The following SENP2 variants were observed in gnomAD, a reference collection of about 807,000 sequenced individuals.
The protein encoded by SENP2 is sentrin-specific protease 2.
SENP2 carries 16 observed loss-of-function variants against 86.3 expected under a neutral mutation model. The observed-to-expected ratio is 0.19, with a 90% CI of 0.13 to 0.28. The LOEUF (loss-of-function observed/expected upper bound fraction) is 0.28. SENP2 is among the 10% of genes least tolerant of loss of function. The probability of loss-of-function intolerance (pLI) is 1.00; values close to 1 mark genes in which losing one functional copy is unlikely to be tolerated. For synonymous variants in SENP2, 222 were observed against 238.7 expected, an observed-to-expected ratio of 0.93 and a Z score of 0.64; for missense variants, 552 against 703.0, an observed-to-expected ratio of 0.79 and a Z score of 2.43.
intron 6 of SENP2, among the ~76,000 whole-genome samples, chr3:185,608,511 T>G (rs1171116319): frequency 6.6e-6 from 1 of 152,144 alleles, no homozygotes; most frequent in African/African-American, 2.4e-5. Context: ...TTGTTTAAAC[T>G]CCCTGTGAAA....
At chr3:185,588,143 C>T (rs1374367774) in intron 1 of SENP2, among the ~76,000 whole-genome samples, 16 of 146,648 alleles carry the variant, frequency 1.1e-4, no homozygotes, top group African/African-American at 3.8e-4. Flanking sequence ...CTGCAACCTC[C>T]GCCTTCCAGG....
At position 185,618,639 on chromosome 3, in the gene SENP2, A is replaced by G. The variant is rs565623372; in HGVS notation, c.1243-660A>G. 1.1e-4 allele frequency among the ~76,000 whole-genome samples: 17 copies of G among 152,242 alleles called. No individual in the cohort carries two copies. In the South Asian group the frequency reaches 2.1e-3, roughly 19 times the overall value. On this transcript the variant is annotated intron_variant, in intron 12 of 16. Coordinates refer to ENST00000296257, the MANE Select transcript of SENP2 (RefSeq NM_021627.3). ...CACGCCTGTAATCCCAGCACTTTGG[A>G]AGGCTGAGGCGGGCGGATCACGAGG...
chr3:185,616,474 C>CAAA (rs771658835), intron 11 of SENP2, among the ~76,000 whole-genome samples: 14 of 85,814 alleles, frequency 1.6e-4, no homozygotes, highest in African/African-American at 5.3e-4. Flanking sequence ...GAATCTGTCT[C>CAAA]AAAAAAAAAA....
intron 12 of SENP2, among the ~76,000 whole-genome samples, chr3:185,618,037 TG>T (rs1711689143): frequency 6.6e-6 from 1 of 152,176 alleles, no homozygotes; most frequent in African/African-American, 2.4e-5. Flanking sequence ...CTCCACCTCC[TG>T]GGTTCAAGCA....
chr3:185,621,331 TAA>T (rs11388775), intron 13 of SENP2, among the ~76,000 whole-genome samples: 2 of 122,554 alleles, frequency 1.6e-5, no homozygotes, highest in Non-Finnish European at 3.3e-5. Context: ...CATTTTTAAC[TAA>T]AAAAAAAAAA....
In SENP2 at chr3:185,632,330, G is replaced by A. The variant is rs984302115; in HGVS notation, c.*2486G>A. ...GCTCACTGCAACCTCCGCCTCCCAG[G>A]TTCAAGCGATTCTCCTGCCTCAGCC... On this transcript the variant is annotated 3_prime_UTR_variant, in exon 17 of 17. Transcript: ENST00000296257. 4 of 147,884 alleles carry A rather than the reference G, an allele frequency of 2.7e-5. No homozygotes were observed. Among genetic ancestry groups the A allele is most frequent in the Non-Finnish European group, 4.4e-5 (3 of 67,466 alleles). The allele number at this position is 147,884 out of a possible 1,614,324, so 9.2% of individuals were successfully genotyped here.
At chr3:185,615,667 G>A (rs1350284297) in intron 11 of SENP2, among the ~76,000 whole-genome samples, 2 of 152,068 alleles carry the variant, frequency 1.3e-5, no homozygotes, top group African/African-American at 4.8e-5. Flanking sequence ...TTTCTATTGG[G>A]TTTATAGATT....
chr3:185,627,831 T>C (rs1253385073), intron 16 of SENP2, among the ~76,000 whole-genome samples: 2 of 152,204 alleles, frequency 1.3e-5, no homozygotes, highest in Non-Finnish European at 2.9e-5. Flanking sequence ...GAGGACAACC[T>C]CATTAAAGAA....
In SENP2 at chr3:185,612,612, C is replaced by T. The variant is rs1455327799; in HGVS notation, c.823C>T (p.Leu275Phe). Reference sequence around the variant, plus strand: ...TTTCTTTACCATCCTCACAGATAGACTTGTTGAAACAAGGGGACCTCTATG... The same window carrying T: ...TTTCTTTACCATCCTCACAGATAGATTTGTTGAAACAAGGGGACCTCTATG... ...TTQFVPKQYR[L>F]VETRGPLCSL... is the part of the protein sequence containing the mutation. Residue 275 changes from leucine (L) to phenylalanine (F), a missense_variant, in exon 9 of 17, where the codon CTT (leucine) becomes TTT (phenylalanine). Around this residue, in one of 2 missense-constraint regions of SENP2, gnomAD observed 383 missense variants for 427.3 expected, o/e 0.90. Transcript: ENST00000296257. 1 of 1,605,250 alleles carries T rather than the reference C, an allele frequency of 6.2e-7. No individual in the cohort carries two copies.
rs201130794 is a variant in SENP2, at chr3:185,614,726, C to G, written c.1096C>G (p.Leu366Val). 151 of 1,613,900 alleles carry G rather than the reference C, an allele frequency of 9.4e-5. 2 individuals are homozygous for G. The South Asian group carries it at 1.6e-3, about 17-fold the overall frequency. The change falls in exon 11 of 17, where the codon CTT becomes GTT. Residue 366 changes from leucine (L) to valine (V), a missense_variant. Transcript: ENST00000296257. ...KERDRRTDDL[L>V]ELTEDMEKEI... ...GAGGGACAGAAGAACGGACGATCTCCTTGAACTTACAGAGGTATTGTTCTT... is the reference window on the plus strand; with the variant it reads ...GAGGGACAGAAGAACGGACGATCTCGTTGAACTTACAGAGGTATTGTTCTT...
intron 11 of SENP2, 124 bp from the exon 12 acceptor site, chr3:185,617,356 A>C (rs1711659963): frequency 3.1e-6 from 2 of 643,198 alleles, no homozygotes; most frequent in East Asian, 6.0e-5. Context: ...GGTCTTTGAT[A>C]GTATATTTTT....
At chr3:185,602,339 A>G (rs549364180) in intron 5 of SENP2, among the ~76,000 whole-genome samples, 5 of 152,306 alleles carry the variant, frequency 3.3e-5, no homozygotes, top group African/African-American at 1.2e-4. Flanking sequence ...CTTGTGCCAG[A>G]AAGTAAAGGA....
At chr3:185,611,576 C>A in intron 7 of SENP2, 75 bp from the exon 8 acceptor site, 1 of 896,558 alleles carries the variant, frequency 1.1e-6, no homozygotes, top group South Asian at 1.4e-5. Context: ...GAGAAGCTTG[C>A]TGGACAGAGA....
chr3:185,590,778 G>T (rs1312567023), intron 2 of SENP2, among the ~76,000 whole-genome samples: 7 of 122,558 alleles, frequency 5.7e-5, no homozygotes, highest in South Asian at 3.1e-4. Context: ...CGAGAATCGC[G>T]TGAACCTGGG....
Position 185,586,571 on chromosome 3 carries a change from C to T in SENP2, c.101+57C>T. The T allele has an allele frequency of 6.6e-7, 1 of 1,517,912 alleles. No individual in the cohort carries two copies. The allele number at this position is 1,517,912 out of a possible 1,614,324, so 94.0% of individuals were successfully genotyped here. ...GCCTTACCCCCTCCCCCACAGCGGG[C>T]TCCTCGGCCGTGATAGCTTTGATTC... On this transcript the variant is annotated intron_variant, in intron 1 of 16. Coordinates refer to ENST00000296257, the MANE Select transcript of SENP2 (RefSeq NM_021627.3). The surrounding 1 kb of genome is among the most constrained non-coding windows in gnomAD (Gnocchi z 4.3).
intron 5 of SENP2, among the ~76,000 whole-genome samples, chr3:185,604,842 G>A (rs1224165305): frequency 6.0e-5 from 9 of 150,894 alleles, no homozygotes; most frequent in South Asian, 4.2e-4. Context: ...TGCAACCTCC[G>A]CCTCCTGGGT....
Position 185,617,565 on chromosome 3 carries a change from G to A in SENP2, c.1196G>A (p.Arg399Gln). The A allele has an allele frequency of 1.2e-6, 2 of 1,613,616 alleles. No individual in the cohort carries two copies. The highest frequency in any genetic ancestry group is 1.7e-6 in the Non-Finnish European group (2 of 1,179,616). ...LSSAFKLRIT[R>Q]GDIQTLKNYH... is the part of the protein sequence containing the mutation. ...AGTGCTTTCAAATTGCGAATTACTC[G>A]AGGAGATATTCAGACATTAAAGAAC... The change falls in exon 12 of 17, where the codon CGA (arginine) becomes CAA (glutamine). Residue 399 changes from arginine to glutamine, a missense_variant. Arg to Gln is a conservative substitution (Grantham distance 43, BLOSUM62 1). This residue lies in a region of SENP2 where 169 missense variants were observed against 275.7 expected (regional missense o/e 0.61). Coordinates refer to ENST00000296257, the MANE Select transcript of SENP2 (RefSeq NM_021627.3).
At chr3:185,613,252 T>C in intron 9 of SENP2, 93 bp from the exon 10 acceptor site, 1 of 786,776 alleles carries the variant, frequency 1.3e-6, no homozygotes, top group East Asian at 2.5e-5. Context: ...ACAATTTTTA[T>C]GTACAAATTA....
At position 185,629,929 on chromosome 3, in the gene SENP2, C is replaced by A; in HGVS notation, c.*85C>A. 2.3e-6 allele frequency: 3 copies of A among 1,327,864 alleles called. No homozygotes were observed. The East Asian group carries it at 7.0e-5, about 31-fold the overall frequency. The allele number at this position is 1,327,864 out of a possible 1,614,324, so 82.3% of individuals were successfully genotyped here. A position where few individuals can be genotyped will look rare whatever the true frequency, so the allele number is the denominator to read the frequency against. ...CTCATGCATTGTGGGTTAAAAAGTCCCTGCATCACTTCTGTTCTCACAGGT... is the reference window on the plus strand; with the variant it reads ...CTCATGCATTGTGGGTTAAAAAGTCACTGCATCACTTCTGTTCTCACAGGT... On this transcript the variant is annotated 3_prime_UTR_variant, in exon 17 of 17. Transcript: ENST00000296257.
Sources: gnomAD v4.1 joint callset for allele counts (sites outside exome capture counted in the v4.1 genomes callset) on GRCh38, gnomAD v4.1.1 for gene constraint, gnomAD v4.1.1 regional missense constraint, Gnocchi (gnomAD v3.1) non-coding constraint, MANE v1.5 for transcripts, NCBI Gene and HGNC (gene_info 2026-07-23, HGNC 2026-07-21) for gene names.